Variants in FAM227A observed in about 807,000 individuals in gnomAD.
FAM227A encodes the protein protein FAM227A.
In FAM227A, 80 loss-of-function variants were observed where a neutral mutation model predicts 74.7. The observed-to-expected ratio is 1.07, with a 90% CI of 0.89 to 1.29. FAM227A has a LOEUF of 1.29. FAM227A is among the 50% of genes most tolerant of loss of function. The pLI, the probability that FAM227A is intolerant of heterozygous loss-of-function variation, is 0.00. For synonymous variants in FAM227A, 237 were observed against 241.8 expected (o/e 0.98, Z 0.19); for missense variants, 654 against 683.4 (o/e 0.96, Z 0.48).
chr22:38,614,810 A>T (rs1242219915), intron 11 of FAM227A, among the ~76,000 whole-genome samples: 1 of 152,220 alleles, frequency 6.6e-6, no homozygotes, highest in East Asian at 1.9e-4. Context: ...GTTTCAAGCC[A>T]TTGTGACAGG....
intron 5 of FAM227A, 89 bp from the exon 6 acceptor site, chr22:38,636,686 A>G: frequency 8.3e-7 from 1 of 1,210,044 alleles, no homozygotes; most frequent in Non-Finnish European, 1.1e-6. Context: ...TTATGAAGAC[A>G]ATATAACAAC....
rs1190618231 is a variant in FAM227A, at chr22:38,607,388, C to T, written c.1126+1G>A. 2 of 1,547,380 alleles carry T rather than the reference C, an allele frequency of 1.3e-6. No homozygotes were observed. The highest frequency in any genetic ancestry group is 2.0e-5 in the Admixed American group (1 of 50,926). On this transcript the variant is annotated splice_donor_variant, in intron 12 of 16. Coordinates refer to ENST00000535113, the MANE Select transcript of FAM227A (RefSeq NM_001013647.2). LOFTEE classifies it high-confidence loss of function. Reference sequence around the variant, plus strand: ...ATTTCCCTTTTTGGTAGTCAATATACCTTTTGCAGTATTCTGCATTCGTAA... The same window carrying T: ...ATTTCCCTTTTTGGTAGTCAATATATCTTTTGCAGTATTCTGCATTCGTAA...
intron 2 of FAM227A, among the ~76,000 whole-genome samples, chr22:38,648,649 G>T (rs58795432): frequency 2.0e-5 from 3 of 149,860 alleles, no homozygotes; most frequent in South Asian, 4.2e-4. Flanking sequence ...TTAAAAACTC[G>T]ACAGTAAGAA....
intron 11 of FAM227A, among the ~76,000 whole-genome samples, chr22:38,612,724 C>G (rs1179300772): frequency 1.3e-5 from 2 of 152,060 alleles, no homozygotes; most frequent in Non-Finnish European, 2.9e-5. Flanking sequence ...TTTGGAGAGA[C>G]TGTTGACAGG....
At chr22:38,611,337 G>T (rs1362303745) in intron 11 of FAM227A, among the ~76,000 whole-genome samples, 1 of 152,136 alleles carries the variant, frequency 6.6e-6, no homozygotes, top group Non-Finnish European at 1.5e-5. Flanking sequence ...TACAATCTAG[G>T]GATGCCTAGA....
intron 8 of FAM227A, among the ~76,000 whole-genome samples, chr22:38,627,319 G>C (rs995407126): frequency 6.6e-6 from 1 of 151,926 alleles, no homozygotes. Context: ...TGTAATCCCA[G>C]CACTTTGGGA....
chr22:38,605,675 T>C (rs1236013533), intron 12 of FAM227A, among the ~76,000 whole-genome samples: 1 of 152,224 alleles, frequency 6.6e-6, no homozygotes, highest in Non-Finnish European at 1.5e-5. Context: ...TTCAAATATT[T>C]TCTAATTTCC....
At position 38,645,596 on chromosome 22, in the gene FAM227A, T is replaced by C. The variant is rs2092221217; in HGVS notation, c.192A>G (p.Ile64Met). ...MHQVNQKIAD[I>M]NLRTEPSANS... is the part of the protein sequence containing the mutation. The stretch of plus-strand genomic sequence containing the variant: ...TGGCCGACGGCTCGGTACGCAGATT[T>C]ATGTCAGCAATCTTTTGGTTCACCT... The change falls in exon 3 of 17, where the codon ATA becomes ATG. Residue 64 changes from isoleucine (I) to methionine (M), a missense_variant. Ile to Met is a conservative substitution (Grantham distance 10). Transcript: ENST00000535113. 2 of 1,551,394 alleles carry C rather than the reference T, an allele frequency of 1.3e-6. No homozygotes were observed. The highest frequency in any genetic ancestry group is 1.7e-6 in the Non-Finnish European group (2 of 1,146,884).
chr22:38,610,539 C>T (rs1038311438), intron 11 of FAM227A, among the ~76,000 whole-genome samples: 23 of 152,074 alleles, frequency 1.5e-4, no homozygotes, highest in Admixed American at 1.2e-3. Context: ...AGTCTATTAC[C>T]TGCTTTGTCA....
intron 16 of FAM227A, among the ~76,000 whole-genome samples, chr22:38,589,318 G>A (rs2090883673): frequency 6.6e-6 from 1 of 152,116 alleles, no homozygotes; most frequent in Non-Finnish European, 1.5e-5. Context: ...TTGGACTTCG[G>A]CCTCCAGAAC....
At position 38,644,337 on chromosome 22, in the gene FAM227A, A is replaced by G. The variant is rs7288400; in HGVS notation, c.225+1226T>C. On this transcript the variant is annotated intron_variant, in intron 3 of 16. Coordinates refer to ENST00000535113, the MANE Select transcript of FAM227A (RefSeq NM_001013647.2). The stretch of plus-strand genomic sequence containing the variant: ...GTAAAAAGAGGTGAACAGGTGGAGC[A>G]CAGAGGACTGTTGGGACAGCGAAAC... Among the ~76,000 whole-genome samples, 221 of 74,502 alleles carry G rather than the reference A, an allele frequency of 3.0e-3. 24 individuals are homozygous for G. Among genetic ancestry groups the G allele is most frequent in the East Asian group, 9.5e-3 (19 of 2,010 alleles). The allele number at this position is 74,502 out of a possible 152,430, so 48.9% of individuals were successfully genotyped here.
chr22:38,646,504 C>T (rs1397782239), intron 2 of FAM227A, among the ~76,000 whole-genome samples: 3 of 151,488 alleles, frequency 2.0e-5, no homozygotes, highest in South Asian at 4.2e-4. Flanking sequence ...CCTCGTGATC[C>T]GCCCGCCTCG....
chr22:38,654,304 G>C (rs748538399), intron 1 of FAM227A, among the ~76,000 whole-genome samples: 1 of 151,432 alleles, frequency 6.6e-6, no homozygotes, highest in African/African-American at 2.4e-5. Flanking sequence ...GCCGGATCGC[G>C]CCACTGCACT....
At chr22:38,635,849 T>C (rs977373900) in intron 6 of FAM227A, among the ~76,000 whole-genome samples, 2 of 151,832 alleles carry the variant, frequency 1.3e-5, no homozygotes, top group Admixed American at 6.6e-5. Context: ...AAAAATTTTT[T>C]TAAAAACTAG....
chr22:38,633,818 G>A (rs768739406), intron 6 of FAM227A, among the ~76,000 whole-genome samples: 4 of 152,104 alleles, frequency 2.6e-5, no homozygotes, highest in Admixed American at 6.5e-5. Flanking sequence ...GGGATTACAG[G>A]CGTAAGCCAC....
At chr22:38,608,793 C>CTTTT (rs35393303) in intron 11 of FAM227A, among the ~76,000 whole-genome samples, 4 of 97,026 alleles carry the variant, frequency 4.1e-5, no homozygotes, top group Non-Finnish European at 7.6e-5. Context: ...ACCCTTGTTC[C>CTTTT]TTTTTTTTTT....
intron 9 of FAM227A, among the ~76,000 whole-genome samples, chr22:38,624,376 C>G (rs2091752666): frequency 6.7e-6 from 1 of 149,346 alleles, no homozygotes; most frequent in Non-Finnish European, 1.5e-5. Context: ...GCAATAAGAG[C>G]AAAACTCCAT....
intron 11 of FAM227A, 44 bp from the exon 12 acceptor site, chr22:38,607,520 G>C: frequency 7.6e-7 from 1 of 1,312,478 alleles, no homozygotes; most frequent in South Asian, 1.3e-5. Flanking sequence ...AAGCGAGAGA[G>C]AGAGAACAAA....
chr22:38,587,614 A>G, intron 16 of FAM227A, among the ~76,000 whole-genome samples: 1 of 152,238 alleles, frequency 6.6e-6, no homozygotes, highest in East Asian at 1.9e-4. Flanking sequence ...GAAAAGTGAA[A>G]GACTACAGGG....
Sources: gnomAD v4.1 joint callset for allele counts (sites outside exome capture counted in the v4.1 genomes callset) on GRCh38, gnomAD v4.1.1 for gene constraint, MANE v1.5 for transcripts, NCBI Gene and HGNC (gene_info 2026-07-23, HGNC 2026-07-21) for gene names.